Variants in RBFOX1 observed in about 807,000 individuals in gnomAD.
The protein encoded by RBFOX1 is RNA binding fox-1 homolog 1.
RBFOX1 carries 8 observed loss-of-function variants against 57.7 expected under a neutral mutation model. That is an observed-to-expected ratio of 0.14 (90% CI 0.08 to 0.25). The LOEUF is 0.25. Among genes scored for constraint, RBFOX1 ranks in the 10% least tolerant of loss-of-function variants. RBFOX1 has a pLI of 1.00. For synonymous variants in RBFOX1, 326 were observed against 222.4 expected, an observed-to-expected ratio of 1.47 and a Z score of -4.15; for missense variants, 611 against 548.5, an observed-to-expected ratio of 1.11 and a Z score of -1.14.
intron 3 of RBFOX1, among the ~76,000 whole-genome samples, chr16:6,856,906 A>C (rs1567581794): frequency 1.3e-5 from 2 of 152,116 alleles, no homozygotes; most frequent in Non-Finnish European, 2.9e-5. Flanking sequence ...GAGAAAGGGA[A>C]AAGAAAGAAA....
At chr16:5,753,762 G>T (rs1272504035) in intron 3 of RBFOX1, among the ~76,000 whole-genome samples, 1 of 151,972 alleles carries the variant, frequency 6.6e-6, no homozygotes, top group African/African-American at 2.4e-5. Context: ...GCTCTCCCTT[G>T]TATAGGAGCC....
At chr16:6,105,183 G>C (rs1285439175) in intron 1 of RBFOX1, among the ~76,000 whole-genome samples, 1 of 152,090 alleles carries the variant, frequency 6.6e-6, no homozygotes, top group Non-Finnish European at 1.5e-5. Flanking sequence ...AGCCCATGTG[G>C]GACCACCCTC....
chr16:5,591,227 A>T (rs1404112126), intron 2 of RBFOX1, among the ~76,000 whole-genome samples: 1 of 151,466 alleles, frequency 6.6e-6, no homozygotes, highest in East Asian at 1.9e-4. Context: ...CTGCTACCAC[A>T]TCCTTTTCCT....
At chr16:5,933,783 T>A (rs1385355373) in intron 4 of RBFOX1, among the ~76,000 whole-genome samples, 3 of 145,376 alleles carry the variant, frequency 2.1e-5, no homozygotes, top group Admixed American at 6.9e-5. Context: ...AAGGTGTTTT[T>A]TTTTGTTTTT....
intron 1 of RBFOX1, among the ~76,000 whole-genome samples, chr16:5,320,951 G>A (rs770307308): frequency 3.9e-5 from 6 of 152,190 alleles, no homozygotes; most frequent in Non-Finnish European, 5.9e-5. Context: ...GCTGCCCTCT[G>A]CCCACAGAAC....
intron 4 of RBFOX1, among the ~76,000 whole-genome samples, chr16:7,321,006 G>A (rs1335806937): frequency 1.3e-5 from 2 of 151,890 alleles, no homozygotes; most frequent in East Asian, 1.9e-4. Flanking sequence ...TTGCTATTAC[G>A]ATAAAAATAA....
chr16:7,106,984 A>AACAC (rs61104403), intron 4 of RBFOX1, among the ~76,000 whole-genome samples: 78 of 148,634 alleles, frequency 5.2e-4, no homozygotes, highest in African/African-American at 1.7e-3. Context: ...ACACAGTTAA[A>AACAC]ACACACACAC....
intron 1 of RBFOX1, among the ~76,000 whole-genome samples, chr16:6,243,034 A>G (rs968299929): frequency 6.6e-6 from 1 of 152,182 alleles, no homozygotes; most frequent in Non-Finnish European, 1.5e-5. Flanking sequence ...ATTGTAAGAG[A>G]TACTATCATT....
Position 5,650,239 on chromosome 16 carries a change from G to C in RBFOX1, c.318+51278G>C, listed in dbSNP as rs2049190317. Among the ~76,000 whole-genome samples, 3 of 152,278 alleles carry C rather than the reference G, an allele frequency of 2.0e-5. No individual in the cohort carries two copies. The South Asian group carries it at 6.2e-4, about 32-fold the overall frequency. On this transcript the variant is annotated intron_variant, in intron 3 of 19. Transcript: ENST00000641259. ...CAGAGGCAGCTGCTTGGGCCAGAGA[G>C]GCTGACTCTGATGGCCTCGGGAGAT...
chr16:5,379,912 GC>G (rs1472952944), intron 1 of RBFOX1, among the ~76,000 whole-genome samples: 1 of 152,140 alleles, frequency 6.6e-6, no homozygotes, highest in Non-Finnish European at 1.5e-5. Context: ...CTTGCACTTG[GC>G]CCCCTTGCTG....
intron 4 of RBFOX1, among the ~76,000 whole-genome samples, chr16:5,934,676 C>T (rs551011412): frequency 4.6e-5 from 7 of 152,244 alleles, no homozygotes; most frequent in East Asian, 3.9e-4. Context: ...GATTACTACA[C>T]GTTATATTTA....
intron 3 of RBFOX1, among the ~76,000 whole-genome samples, chr16:6,737,525 T>G (rs1198029793): frequency 6.6e-6 from 1 of 152,216 alleles, no homozygotes; most frequent in East Asian, 1.9e-4. Context: ...CTATGAACTT[T>G]CTGGAAGTCA....
chr16:6,916,343 A>T (rs1024422315), intron 3 of RBFOX1, among the ~76,000 whole-genome samples: 1 of 152,008 alleles, frequency 6.6e-6, no homozygotes, highest in African/African-American at 2.4e-5. Context: ...CCTTTTTGCT[A>T]TTATGGCTAA....
intron 3 of RBFOX1, among the ~76,000 whole-genome samples, chr16:5,773,531 T>C (rs1287511881): frequency 6.6e-6 from 1 of 152,230 alleles, no homozygotes; most frequent in East Asian, 1.9e-4. Context: ...GTTGCTATAT[T>C]AGTTTTTTAT....
At chr16:6,294,568 C>G (rs1413100143) in intron 1 of RBFOX1, among the ~76,000 whole-genome samples, 2 of 152,142 alleles carry the variant, frequency 1.3e-5, no homozygotes, top group South Asian at 2.1e-4. Context: ...TGCTTGTAGA[C>G]CAAGTCTAAT....
rs141540271 is a variant in RBFOX1 at position 7,313,076 on chromosome 16, AAG to A, written c.28-205070_28-205069del. On this transcript the variant is annotated intron_variant, in intron 4 of 15. Transcript: ENST00000550418. ...CTGCTCTTCCTTCTGAAGCAAAAGA[AAG>A]GGGTGTGGGACTCGTACTTCCACAT... 1.6e-4 allele frequency among the ~76,000 whole-genome samples: 25 copies of A among 152,222 alleles called. No individual in the cohort carries two copies. The East Asian group carries it at 4.3e-3, about 26-fold the overall frequency.
chr16:6,279,159 T>A (rs940171106), intron 1 of RBFOX1, among the ~76,000 whole-genome samples: 1 of 152,188 alleles, frequency 6.6e-6, no homozygotes, highest in Non-Finnish European at 1.5e-5. Flanking sequence ...ATGGGTATTA[T>A]AAAACATTTA....
intron 3 of RBFOX1, among the ~76,000 whole-genome samples, chr16:6,795,493 C>G (rs550285948): frequency 6.6e-6 from 1 of 152,080 alleles, no homozygotes; most frequent in Non-Finnish European, 1.5e-5. Context: ...GTTGGCTGCG[C>G]ACGTTGGCTC....
chr16:7,695,999 G>C (rs556151168), intron 14 of RBFOX1, among the ~76,000 whole-genome samples: 1 of 152,176 alleles, frequency 6.6e-6, no homozygotes, highest in Non-Finnish European at 1.5e-5. Flanking sequence ...TTAAGCAGTA[G>C]AACAGCAGCA....
Sources: allele counts gnomAD v4.1 joint callset (sites outside exome capture counted in the v4.1 genomes callset), GRCh38; gene constraint gnomAD v4.1.1; transcripts MANE v1.5; gene names NCBI Gene and HGNC (gene_info 2026-07-23, HGNC 2026-07-21).